NEDD4L: variants seen among roughly 807,000 people sequenced by gnomAD.
The protein encoded by NEDD4L is E3 ubiquitin-protein ligase NEDD4-like.
Under a neutral mutation model 148.9 loss-of-function variants are expected in NEDD4L, and 54 were observed. That is an observed-to-expected ratio of 0.36 (90% CI 0.29 to 0.45). NEDD4L has a LOEUF of 0.45. Ranked by LOEUF, NEDD4L falls within the 20% of genes least tolerant of loss-of-function variation. The probability of loss-of-function intolerance (pLI) is 1.00; values close to 1 mark genes in which losing one functional copy is unlikely to be tolerated. For synonymous variants in NEDD4L, 433 were observed against 440.7 expected (o/e 0.98, Z 0.22); for missense variants, 856 against 1,233.8 (o/e 0.69, Z 4.59).
intron 2 of NEDD4L, among the ~76,000 whole-genome samples, chr18:58,174,616 T>A (rs1469822423): frequency 6.6e-6 from 1 of 152,090 alleles, no homozygotes. Flanking sequence ...TTGTACGTAC[T>A]GTGTATTAGA....
intron 1 of NEDD4L, among the ~76,000 whole-genome samples, chr18:58,072,868 GCGCGCACA>G (rs1194299545): frequency 6.2e-4 from 72 of 115,878 alleles, no homozygotes; most frequent in African/African-American, 3.5e-3. Context: ...GCGCGCGCGC[GCGCGCACA>G]CACACACACA....
Position 58,391,545 on chromosome 18 carries a change from C to A in NEDD4L, c.2811C>A (p.Pro937=). 6.4e-7 allele frequency: 1 copy of A among 1,574,654 alleles called. No individual in the cohort carries two copies. Residue 937 remains proline (P), a synonymous_variant, in exon 30 of 31, where the codon CCC becomes CCA. Transcript: ENST00000400345. The part of the protein sequence containing the change: ...IEQWGSPEKL[P]RAHTCFNRLD... ...AATGGGGCAGTCCTGAGAAACTGCC[C>A]AGAGCTCACACATGGTGAGTGACAA...
chr18:58,219,469 G>C (rs142595515), intron 2 of NEDD4L, among the ~76,000 whole-genome samples: 5 of 152,194 alleles, frequency 3.3e-5, no homozygotes, highest in Non-Finnish European at 7.3e-5. Context: ...CAGGGCGGTC[G>C]TAACAAAGTA....
At chr18:58,092,775 TTTAAGA>T (rs1489076224) in intron 1 of NEDD4L, among the ~76,000 whole-genome samples, 4 of 151,002 alleles carry the variant, frequency 2.6e-5, no homozygotes, top group Non-Finnish European at 5.9e-5. Flanking sequence ...TTATGTGGAA[TTTAAGA>T]TTAACAGATT....
intron 1 of NEDD4L, among the ~76,000 whole-genome samples, chr18:58,110,979 C>T (rs972632295): frequency 1.3e-5 from 2 of 152,242 alleles, no homozygotes; most frequent in African/African-American, 4.8e-5. Flanking sequence ...ATATGATTCA[C>T]ATACCTTACA....
chr18:58,276,688 ATAATAATAT>A, intron 5 of NEDD4L, among the ~76,000 whole-genome samples: 1 of 111,624 alleles, frequency 9.0e-6, no homozygotes, highest in African/African-American at 3.7e-5. Context: ...TATAATAATA[ATAATAATAT>A]TATTATTATT....
chr18:58,335,741 A>T (rs918009854), intron 13 of NEDD4L: 1 of 487,656 alleles, frequency 2.1e-6, no homozygotes, highest in Non-Finnish European at 3.7e-6. Context: ...TTAGTCCCAC[A>T]TAATTTTATT....
intron 1 of NEDD4L, among the ~76,000 whole-genome samples, chr18:58,142,907 C>T (rs1000866913): frequency 2.3e-4 from 35 of 152,124 alleles, no homozygotes; most frequent in African/African-American, 8.2e-4. Context: ...ACCAGGTCAT[C>T]AGTATCTGGA....
intron 5 of NEDD4L, among the ~76,000 whole-genome samples, chr18:58,283,599 T>TA (rs1450917258): frequency 6.6e-6 from 1 of 152,156 alleles, no homozygotes; most frequent in Non-Finnish European, 1.5e-5. Flanking sequence ...TTGGGGCAAT[T>TA]AAAAAATCCT....
At chr18:58,061,294 G>A (rs1005953788) in intron 1 of NEDD4L, among the ~76,000 whole-genome samples, 8 of 152,126 alleles carry the variant, frequency 5.3e-5, no homozygotes, top group African/African-American at 1.9e-4. Flanking sequence ...GATTTTTCCT[G>A]TTTTTCAGAT....
chr18:58,387,599 A>G (rs1568937873), intron 27 of NEDD4L, 101 bp downstream of exon 27: 2 of 1,258,870 alleles, frequency 1.6e-6, no homozygotes, highest in African/African-American at 1.5e-5. Flanking sequence ...ATAATGTCCT[A>G]GAGAGTAACT....
intron 2 of NEDD4L, among the ~76,000 whole-genome samples, chr18:58,171,900 G>A (rs2037552518): frequency 6.6e-6 from 1 of 152,198 alleles, no homozygotes; most frequent in Non-Finnish European, 1.5e-5. Flanking sequence ...AAAGAATCTG[G>A]GGGAGTCAAT....
At chr18:58,332,437 C>T (rs1317417424) in intron 11 of NEDD4L, among the ~76,000 whole-genome samples, 2 of 152,142 alleles carry the variant, frequency 1.3e-5, no homozygotes, top group Non-Finnish European at 2.9e-5. Flanking sequence ...CACCTGAGGT[C>T]AGGAGTTCAA....
chr18:58,169,216 T>C (rs1412623155), intron 2 of NEDD4L, among the ~76,000 whole-genome samples: 1 of 151,970 alleles, frequency 6.6e-6, no homozygotes, highest in African/African-American at 2.4e-5. Flanking sequence ...CAGCCAAGTC[T>C]CACTTTATTA....
intron 1 of NEDD4L, among the ~76,000 whole-genome samples, chr18:58,123,972 C>T (rs1276787238): frequency 2.6e-5 from 4 of 152,176 alleles, no homozygotes; most frequent in Non-Finnish European, 5.9e-5. Context: ...TTCCAAATAG[C>T]GTAAAAACAG....
At chr18:58,109,018 A>G (rs979387359) in intron 1 of NEDD4L, among the ~76,000 whole-genome samples, 18 of 152,248 alleles carry the variant, frequency 1.2e-4, no homozygotes, top group Non-Finnish European at 2.5e-4. Flanking sequence ...TGGATAGCTA[A>G]AAGTGGAGGC....
intron 2 of NEDD4L, among the ~76,000 whole-genome samples, chr18:58,210,634 G>A (rs1336964230): frequency 6.6e-6 from 1 of 152,084 alleles, no homozygotes; most frequent in African/African-American, 2.4e-5. Flanking sequence ...TTTTAGTAGA[G>A]ACGGGGTTTC....
intron 1 of NEDD4L, among the ~76,000 whole-genome samples, chr18:58,148,878 T>C (rs1238881545): frequency 1.3e-5 from 2 of 152,240 alleles, no homozygotes; most frequent in Non-Finnish European, 2.9e-5. Context: ...GAAAAGTGAA[T>C]CTGTATATTT....
Position 58,353,523 on chromosome 18 carries a change from C to T in NEDD4L, c.1708+2478C>T, listed in dbSNP as rs562868045. Reference sequence around the variant, plus strand: ...GCTGTTCATGCTACGTTTCTACCATCGCTCCATAATTCATCAAGGTTTACT... The same window carrying T: ...GCTGTTCATGCTACGTTTCTACCATTGCTCCATAATTCATCAAGGTTTACT... On this transcript the variant is annotated intron_variant, in intron 18 of 30. Transcript: ENST00000400345. Among the ~76,000 whole-genome samples, 16 of 152,370 alleles carry T rather than the reference C, an allele frequency of 1.1e-4. 1 individual carries two copies. In the South Asian group the frequency reaches 3.1e-3, roughly 30 times the overall value.
Sources: allele counts gnomAD v4.1 joint callset (sites outside exome capture counted in the v4.1 genomes callset), GRCh38; gene constraint gnomAD v4.1.1; transcripts MANE v1.5; gene names NCBI Gene and HGNC (gene_info 2026-07-23, HGNC 2026-07-21).